Variants in POFUT3 observed in about 807,000 individuals in gnomAD.
The protein encoded by POFUT3 is protein O-fucosyltransferase 3.
At chr8:33,324,057 G>A in the POFUT3 span, among the ~76,000 whole-genome samples, 1 of 152,176 alleles carries the variant, frequency 6.6e-6, no homozygotes, top group African/African-American at 2.4e-5. Context: ...TCAAAGTGGA[G>A]GCTGATGGAA....
At chr8:33,461,648 G>T in the POFUT3 span, 2 of 1,523,648 alleles carry the variant, frequency 1.3e-6, no homozygotes, top group Admixed American at 4.0e-5. Flanking sequence ...GGCATCGAGA[G>T]GAAGCAGCAT....
the POFUT3 span, among the ~76,000 whole-genome samples, chr8:33,435,885 GA>G: frequency 2.7e-5 from 4 of 150,168 alleles, no homozygotes; most frequent in Non-Finnish European, 5.9e-5. Flanking sequence ...TCACCGGAGA[GA>G]AAAAAAAAGT....
the POFUT3 span, among the ~76,000 whole-genome samples, chr8:33,460,104 G>A: frequency 1.3e-5 from 2 of 151,914 alleles, no homozygotes; most frequent in Non-Finnish European, 2.9e-5. Context: ...GCAGGAAATC[G>A]CTTGAACCGG....
the POFUT3 span, among the ~76,000 whole-genome samples, chr8:33,421,592 AC>A: frequency 0.078 from 11,933 of 152,126 alleles, 729 homozygotes; most frequent in African/African-American, 0.16. Context: ...GAGGGAAAGA[AC>A]CCATCTGTTT....
chr8:33,441,561 TG>T, the POFUT3 span, among the ~76,000 whole-genome samples: 3 of 151,400 alleles, frequency 2.0e-5, no homozygotes, highest in Admixed American at 6.6e-5. Context: ...TTGTATTTTT[TG>T]TAGTGATGGG....
At chr8:33,458,587 G>C in the POFUT3 span, among the ~76,000 whole-genome samples, 2 of 151,882 alleles carry the variant, frequency 1.3e-5, no homozygotes, top group Non-Finnish European at 2.9e-5. Context: ...GTGGTGGCAG[G>C]CACCTGTAAT....
the POFUT3 span, among the ~76,000 whole-genome samples, chr8:33,346,127 A>T: frequency 6.6e-6 from 1 of 150,386 alleles, no homozygotes; most frequent in East Asian, 2.0e-4. Flanking sequence ...GCCTGGCCCT[A>T]CATTTTTAAA....
the POFUT3 span, among the ~76,000 whole-genome samples, chr8:33,439,107 T>C: frequency 6.6e-6 from 1 of 152,206 alleles, no homozygotes; most frequent in African/African-American, 2.4e-5. Flanking sequence ...ACTTATTGAA[T>C]AGAAACTGTG....
At chr8:33,395,705 T>C in the POFUT3 span, among the ~76,000 whole-genome samples, 2 of 152,104 alleles carry the variant, frequency 1.3e-5, no homozygotes, top group African/African-American at 4.8e-5. Context: ...GGACGACAAG[T>C]GCTAAAAGAG....
At chr8:33,318,515 T>C in the POFUT3 span, among the ~76,000 whole-genome samples, 64 of 125,544 alleles carry the variant, frequency 5.1e-4, 2 homozygotes, top group South Asian at 0.013. Flanking sequence ...TAATATATTA[T>C]GATTATAATA....
At chr8:33,433,645 T>G in the POFUT3 span, among the ~76,000 whole-genome samples, 100,258 of 149,004 alleles carry the variant, frequency 0.67, 34,143 homozygotes, top group African/African-American at 0.78. Context: ...CTAGCCAGGC[T>G]TGGTGGCAGG....
At chr8:33,429,219 C>T in the POFUT3 span, among the ~76,000 whole-genome samples, 9 of 152,040 alleles carry the variant, frequency 5.9e-5, no homozygotes, top group South Asian at 2.1e-4. Context: ...GAGATGAATT[C>T]GGCCCAATAT....
chr8:33,389,363 A>AT, the POFUT3 span: 18 of 1,614,098 alleles, frequency 1.1e-5, no homozygotes, highest in Non-Finnish European at 1.4e-5. Flanking sequence ...ATACTGTGCA[A>AT]TGATCCTATA....
chr8:33,464,338 C>T, the POFUT3 span, among the ~76,000 whole-genome samples: 12 of 152,102 alleles, frequency 7.9e-5, no homozygotes, highest in Admixed American at 4.6e-4. Context: ...AAGGCCTTTC[C>T]TAAGTACTTA....
At chr8:33,453,040 T>C in the POFUT3 span, 1 of 611,484 alleles carries the variant, frequency 1.6e-6, no homozygotes, top group Non-Finnish European at 2.8e-6. Context: ...GCCAGGCTTG[T>C]TTCTTTTTTG....
chr8:33,374,722 TA>T, the POFUT3 span, among the ~76,000 whole-genome samples: 42 of 151,944 alleles, frequency 2.8e-4, no homozygotes, highest in South Asian at 4.1e-4. Context: ...AAATATTCTG[TA>T]AAAAAAATTA....
At chr8:33,336,277 A>G in the POFUT3 span, among the ~76,000 whole-genome samples, 1 of 152,230 alleles carries the variant, frequency 6.6e-6, no homozygotes, top group African/African-American at 2.4e-5. Context: ...GAAATCACTG[A>G]AAGTGGAGTT....
the POFUT3 span, among the ~76,000 whole-genome samples, chr8:33,342,633 A>G: frequency 2.4e-4 from 36 of 152,310 alleles, no homozygotes; most frequent in African/African-American, 8.7e-4. Flanking sequence ...ATGTATCAGG[A>G]TGGCCAAAAC....
chr8:33,447,373 T>C, the POFUT3 span, among the ~76,000 whole-genome samples: 101,886 of 151,820 alleles, frequency 0.67, 34,760 homozygotes, highest in African/African-American at 0.78. Flanking sequence ...GGTGTGAACT[T>C]GGGAGGCGGA....
Sources: gnomAD v4.1 joint callset for allele counts (sites outside exome capture counted in the v4.1 genomes callset) on GRCh38, gnomAD v4.1.1 for gene constraint, MANE v1.5 for transcripts, NCBI Gene and HGNC (gene_info 2026-07-23, HGNC 2026-07-21) for gene names.